The following CMPK1 variants were observed in gnomAD, a reference collection of about 807,000 sequenced individuals.
CMPK1 encodes the protein cytidine/uridine monophosphate kinase 1, also known as UMP-CMP kinase.
CMPK1 carries 10 observed loss-of-function variants against 25.7 expected under a neutral mutation model. The ratio of observed to expected loss-of-function variants is 0.39; its 90% CI spans 0.24 to 0.66. The LOEUF is 0.66. Among genes scored for constraint, CMPK1 ranks in the 30% least tolerant of loss-of-function variants. The pLI, the probability that CMPK1 is intolerant of heterozygous loss-of-function variation, is 0.48. For missense variants in CMPK1, 199 were observed against 280.5 expected, an observed-to-expected ratio of 0.71 and a Z score of 2.08; for synonymous variants, 106 against 101.5, an observed-to-expected ratio of 1.04 and a Z score of -0.27.
At chr1:47,350,985 G>A (rs1646519052) in intron 1 of CMPK1, among the ~76,000 whole-genome samples, 1 of 151,714 alleles carries the variant, frequency 6.6e-6, no homozygotes, top group African/African-American at 2.4e-5. Flanking sequence ...CTAATCTACT[G>A]TCTCTACGAG....
In CMPK1 at chr1:47,333,850, G is replaced by T. The variant is rs1340731774; in HGVS notation, c.-96G>T. On this transcript the variant is annotated 5_prime_UTR_variant, in exon 1 of 6. Coordinates refer to ENST00000371873, the MANE Select transcript of CMPK1 (RefSeq NM_016308.3). The stretch of plus-strand genomic sequence containing the variant: ...CGGCGGCGGGGCCGCGGCGGGCGCC[G>T]GCTCAGCCCGCCCCTTTCTCCCGCC... 3 of 864,454 alleles carry T rather than the reference G, an allele frequency of 3.5e-6. No homozygotes were observed. Among genetic ancestry groups the T allele is most frequent in the Non-Finnish European group, 2.8e-6 (2 of 708,688 alleles). 53.5% of individuals were successfully genotyped at this position (864,454 alleles called of 1,614,324 possible).
At chr1:47,369,734 G>A (rs1227310633) in intron 2 of CMPK1, among the ~76,000 whole-genome samples, 1 of 149,004 alleles carries the variant, frequency 6.7e-6, no homozygotes, top group African/African-American at 2.5e-5. Context: ...GCTAATTTTT[G>A]TATTTTTAAT....
intron 2 of CMPK1, among the ~76,000 whole-genome samples, chr1:47,369,334 G>A (rs1646660786): frequency 6.6e-6 from 1 of 152,058 alleles, no homozygotes; most frequent in African/African-American, 2.4e-5. Flanking sequence ...GCTTGTGGAA[G>A]GTGGTTATGC....
chr1:47,374,794 A>G (rs1221840913), intron 3 of CMPK1, 115 bp from the exon 4 acceptor site: 1 of 652,526 alleles, frequency 1.5e-6, no homozygotes, highest in Non-Finnish European at 2.6e-6. Flanking sequence ...AATTAGACAC[A>G]TTGGGTTTAT....
At chr1:47,372,393 T>C (rs993714072) in intron 2 of CMPK1, among the ~76,000 whole-genome samples, 1 of 152,244 alleles carries the variant, frequency 6.6e-6, no homozygotes, top group African/African-American at 2.4e-5. Flanking sequence ...CCTACATTAA[T>C]AATTAATGCT....
Position 47,376,967 on chromosome 1 carries a change from A to G in CMPK1, c.*222A>G. The G allele has an allele frequency of 2.6e-6, 1 of 384,078 alleles. No individual in the cohort carries two copies. Among genetic ancestry groups the G allele is most frequent in the Non-Finnish European group, 4.7e-6 (1 of 214,764 alleles). 23.8% of individuals were successfully genotyped at this position (384,078 alleles called of 1,614,324 possible). A position where few individuals can be genotyped will look rare whatever the true frequency, so the allele number is the denominator to read the frequency against. ...CTTCACCTTAGTTATGGTGCTCACC[A>G]AACGAAGGGTATCAGCTATTTTTTT... On this transcript the variant is annotated 3_prime_UTR_variant, in exon 6 of 6. Transcript: ENST00000371873.
chr1:47,360,206 TG>T (rs1646591918), intron 1 of CMPK1, among the ~76,000 whole-genome samples: 1 of 152,214 alleles, frequency 6.6e-6, no homozygotes. Flanking sequence ...TGTCTAAGCC[TG>T]GTCTCCATCT....
intron 1 of CMPK1, chr1:47,358,538 TTC>T (rs1426328198): frequency 9.9e-7 from 1 of 1,006,460 alleles, no homozygotes; most frequent in Admixed American, 5.7e-5. Context: ...TACATATTAT[TTC>T]TGTTTTATAA....
In CMPK1 at chr1:47,357,045, G is replaced by A. The variant is rs148178531; in HGVS notation, c.172-11424G>A. ...GTGGCACGATCTCGGCTCACTATAA[G>A]CTCCGCCTCCTGGGTTCACGCCATT... On this transcript the variant is annotated intron_variant, in intron 1 of 5. Coordinates refer to ENST00000371873, the MANE Select transcript of CMPK1 (RefSeq NM_016308.3). Among the ~76,000 whole-genome samples the A allele has an allele frequency of 2.9e-3, 422 of 146,410 alleles. 2 individuals are homozygous for A. Among genetic ancestry groups the A allele is most frequent in the African/African-American group, 0.01 (398 of 39,404 alleles).
At chr1:47,336,801 C>A (rs1003282006) in intron 1 of CMPK1, among the ~76,000 whole-genome samples, 2 of 152,222 alleles carry the variant, frequency 1.3e-5, no homozygotes, top group African/African-American at 4.8e-5. Flanking sequence ...GTTGGCATTA[C>A]AGGCATGAGC....
chr1:47,368,807 T>C (rs992040499), intron 2 of CMPK1, among the ~76,000 whole-genome samples, 192 bp downstream of exon 2: 2 of 152,086 alleles, frequency 1.3e-5, no homozygotes, highest in African/African-American at 4.8e-5. Flanking sequence ...AAAAAAATTT[T>C]TTAAAAAGCC....
chr1:47,375,118 A>G lies in CMPK1; in HGVS notation c.549-79A>G, dbSNP rs544048991. 1.9e-4 allele frequency: 247 copies of G among 1,279,820 alleles called. 1 individual carries two copies. In the South Asian group the frequency reaches 2.0e-3, roughly 11 times the overall value. The allele number at this position is 1,279,820 out of a possible 1,614,324, so 79.3% of individuals were successfully genotyped here. A position where few individuals can be genotyped will look rare whatever the true frequency, so the allele number is the denominator to read the frequency against. On this transcript the variant is annotated intron_variant, in intron 4 of 5. Transcript: ENST00000371873. ...TAGGTCAATCAGTCGGGGCAGATCC[A>G]GTGTTCTGTGAGCTCTCCTATAACA...
Position 47,333,975 on chromosome 1 carries a change from C to G in CMPK1, c.30C>G (p.Leu10=). 2 of 1,514,288 alleles carry G rather than the reference C, an allele frequency of 1.3e-6. No individual in the cohort carries two copies. Among genetic ancestry groups the G allele is most frequent in the South Asian group, 1.2e-5 (1 of 80,842 alleles). 93.8% of individuals were successfully genotyped at this position (1,514,288 alleles called of 1,614,324 possible). MLSRCRSGL[L]HVLGLSFLLQ... ...TGAGCCGCTGCCGCAGCGGGCTGCT[C>G]CACGTCCTGGGCCTTAGCTTCCTGC... The change falls in exon 1 of 6, where the codon CTC becomes CTG. Residue 10 remains leucine (L), a synonymous_variant. Transcript: ENST00000371873.
intron 1 of CMPK1, among the ~76,000 whole-genome samples, chr1:47,360,068 A>G (rs1646591172): frequency 2.0e-5 from 3 of 152,308 alleles, no homozygotes; most frequent in South Asian, 4.1e-4. Flanking sequence ...TACAGTGACA[A>G]TAAGAATTTA....
At chr1:47,358,406 C>T (rs1646578274) in intron 1 of CMPK1, 1 of 1,232,876 alleles carries the variant, frequency 8.1e-7, no homozygotes, top group South Asian at 1.4e-5. Context: ...AGCCACAGTG[C>T]GTAGTCCCTG....
intron 1 of CMPK1, among the ~76,000 whole-genome samples, chr1:47,344,963 C>T (rs755989038): frequency 9.2e-5 from 14 of 152,016 alleles, no homozygotes; most frequent in Admixed American, 2.0e-4. Flanking sequence ...GTTGCTCAGG[C>T]TGGAGTGCAG....
At chr1:47,371,724 A>G (rs1290148978) in intron 2 of CMPK1, among the ~76,000 whole-genome samples, 1 of 152,174 alleles carries the variant, frequency 6.6e-6, no homozygotes, top group Admixed American at 6.5e-5. Context: ...CAAAGCTTTC[A>G]CTATGCTCAT....
At chr1:47,372,812 T>TC in intron 2 of CMPK1, 143 bp from the exon 3 acceptor site, 22 of 386,174 alleles carry the variant, frequency 5.7e-5, no homozygotes, top group Non-Finnish European at 7.3e-5. Context: ...TTTTTTCTTT[T>TC]CTTTTTTTTT....
At position 47,349,245 on chromosome 1, in the gene CMPK1, A is replaced by C. The variant is rs75806951; in HGVS notation, c.171+15129A>C. ...GGCCATAGTAGCTTGAAGACGAAAG[A>C]CTGCATCTCCATATGGGTCACCTAG... On this transcript the variant is annotated intron_variant, in intron 1 of 5. Coordinates refer to ENST00000371873, the MANE Select transcript of CMPK1 (RefSeq NM_016308.3). Among the ~76,000 whole-genome samples the C allele has an allele frequency of 5.2e-3, 794 of 152,296 alleles. 2 individuals are homozygous for C. Among genetic ancestry groups the C allele is most frequent in the East Asian group, 0.03 (158 of 5,184 alleles).
Sources: gnomAD v4.1 joint callset for allele counts (sites outside exome capture counted in the v4.1 genomes callset) on GRCh38, gnomAD v4.1.1 for gene constraint, MANE v1.5 for transcripts, NCBI Gene and HGNC (gene_info 2026-07-23, HGNC 2026-07-21) for gene names.